The following CHST11 variants were observed in gnomAD, a reference collection of about 807,000 sequenced individuals.
CHST11 encodes the protein C4S-1.
Under a neutral mutation model 30.4 loss-of-function variants are expected in CHST11, and 9 were observed. The ratio of observed to expected loss-of-function variants is 0.30; its 90% CI spans 0.18 to 0.52. The LOEUF (loss-of-function observed/expected upper bound fraction) is 0.52, where lower values mean the gene tolerates loss of function less well. Among genes scored for constraint, CHST11 ranks in the 20% least tolerant of loss-of-function variants. CHST11 has a pLI of 0.97. For synonymous variants in CHST11, 152 were observed against 187.8 expected (o/e 0.81, Z 1.56); for missense variants, 348 against 460.6 (o/e 0.76, Z 2.24).
In CHST11 at chr12:104,482,514, A is replaced by G. The variant is rs535354576; in HGVS notation, c.118+24985A>G. ...GCCTCCCTTCCCTTTCCCCACCCTC[A>G]GTGTCATTTTGGCTTTTCCCACAGA... is the stretch of plus-strand genomic sequence containing the variant. On this transcript the variant is annotated intron_variant, in intron 1 of 2. Coordinates refer to ENST00000303694, the MANE Select transcript of CHST11 (RefSeq NM_018413.6). 1.1e-4 allele frequency among the ~76,000 whole-genome samples: 17 copies of G among 152,062 alleles called. No individual in the cohort carries two copies. In the East Asian group the frequency reaches 3.3e-3, roughly 29 times the overall value.
chr12:104,718,544 A>C (rs1183132075), intron 2 of CHST11, among the ~76,000 whole-genome samples: 1 of 152,198 alleles, frequency 6.6e-6, no homozygotes, highest in Non-Finnish European at 1.5e-5. Flanking sequence ...GTTACTAATG[A>C]AGAATGAATT....
intron 2 of CHST11, among the ~76,000 whole-genome samples, chr12:104,616,305 A>G (rs1030807033): frequency 6.6e-6 from 1 of 152,194 alleles, no homozygotes; most frequent in African/African-American, 2.4e-5. Context: ...CCACCCAATC[A>G]GTATTTTCTA....
intron 1 of CHST11, among the ~76,000 whole-genome samples, chr12:104,548,122 A>G (rs1188371191): frequency 6.6e-6 from 1 of 152,192 alleles, no homozygotes; most frequent in East Asian, 1.9e-4. Flanking sequence ...CCAGACTGTA[A>G]ACTCATTGAG....
At chr12:104,750,428 CTT>C (rs10659007) in intron 2 of CHST11, among the ~76,000 whole-genome samples, 78 of 48,784 alleles carry the variant, frequency 1.6e-3, no homozygotes, top group African/African-American at 5.2e-3. Flanking sequence ...TATTTCTGCA[CTT>C]TTTTTTTTTT....
At chr12:104,596,945 C>T (rs1316254822) in intron 1 of CHST11, among the ~76,000 whole-genome samples, 3 of 152,132 alleles carry the variant, frequency 2.0e-5, no homozygotes, top group Non-Finnish European at 2.9e-5. Flanking sequence ...TTAGGACATG[C>T]GTGAGAGGCA....
chr12:104,639,037 C>G (rs989618987), intron 2 of CHST11, among the ~76,000 whole-genome samples: 5 of 152,204 alleles, frequency 3.3e-5, no homozygotes, highest in African/African-American at 1.2e-4. Flanking sequence ...TCTTGCTAGT[C>G]TGTGGCTTGG....
At chr12:104,746,140 A>T (rs1207397329) in intron 2 of CHST11, among the ~76,000 whole-genome samples, 1 of 152,158 alleles carries the variant, frequency 6.6e-6, no homozygotes, top group South Asian at 2.1e-4. Context: ...TTCCCTAATG[A>T]CGGTATCAGT....
At chr12:104,541,122 TCTCTCTCTCACACA>T (rs900207772) in intron 1 of CHST11, among the ~76,000 whole-genome samples, 1 of 63,086 alleles carries the variant, frequency 1.6e-5, no homozygotes, top group African/African-American at 5.8e-5. Context: ...TCCCTCTCTC[TCTCTCTCTCACACA>T]CACACACACA....
At chr12:104,550,043 G>A (rs1405377324) in intron 1 of CHST11, among the ~76,000 whole-genome samples, 8 of 152,186 alleles carry the variant, frequency 5.3e-5, no homozygotes, top group Admixed American at 1.3e-4. Flanking sequence ...AAATTGCACC[G>A]GGAGTCAGAA....
intron 1 of CHST11, among the ~76,000 whole-genome samples, chr12:104,596,851 G>A (rs1426247667): frequency 2.0e-5 from 3 of 152,180 alleles, no homozygotes; most frequent in African/African-American, 7.2e-5. Flanking sequence ...GTTCAGGCAA[G>A]CATGTAAGGT....
At chr12:104,687,872 C>A (rs893725825) in intron 2 of CHST11, among the ~76,000 whole-genome samples, 1 of 151,990 alleles carries the variant, frequency 6.6e-6, no homozygotes, top group African/African-American at 2.4e-5. Flanking sequence ...TTTTCTGGTA[C>A]AAGGGAAGCT....
chr12:104,720,537 T>C (rs919948641), intron 2 of CHST11, among the ~76,000 whole-genome samples: 1 of 151,950 alleles, frequency 6.6e-6, no homozygotes, highest in Non-Finnish European at 1.5e-5. Context: ...TCCCGGGGTC[T>C]CCCCAGGACC....
intron 2 of CHST11, among the ~76,000 whole-genome samples, chr12:104,699,646 C>T (rs1053626169): frequency 2.0e-5 from 3 of 152,150 alleles, no homozygotes; most frequent in Admixed American, 6.5e-5. Flanking sequence ...ATGAGGTTGA[C>T]GCATAACACG....
At chr12:104,467,477 A>G (rs1673270961) in intron 1 of CHST11, among the ~76,000 whole-genome samples, 1 of 152,200 alleles carries the variant, frequency 6.6e-6, no homozygotes, top group South Asian at 2.1e-4. Flanking sequence ...GGGTAAAAGT[A>G]CAGTGTTAAC....
chr12:104,478,071 C>T (rs973178462), intron 1 of CHST11, among the ~76,000 whole-genome samples: 1 of 152,058 alleles, frequency 6.6e-6, no homozygotes, highest in Non-Finnish European at 1.5e-5. Context: ...TGGGAAGCAA[C>T]CCCCCTAACA....
intron 1 of CHST11, among the ~76,000 whole-genome samples, chr12:104,567,545 T>G (rs1409906216): frequency 6.6e-6 from 1 of 152,162 alleles, no homozygotes; most frequent in African/African-American, 2.4e-5. Flanking sequence ...CTGCCCAAAG[T>G]ACCTCTAGTT....
intron 1 of CHST11, among the ~76,000 whole-genome samples, chr12:104,581,743 A>C (rs313326): frequency 0.53 from 80,837 of 151,998 alleles, 23,238 homozygotes; most frequent in East Asian, 0.83. Flanking sequence ...TGGCTCGGGC[A>C]CAGGTGGTCT....
In CHST11 at chr12:104,633,412, CT is replaced by C. The variant is rs34686417; in HGVS notation, c.204+31441del. On this transcript the variant is annotated intron_variant, in intron 2 of 2. Transcript: ENST00000303694. ...ACTGCATGTGCTCCTCTCCCTCTGT[CT>C]TTTTTTTTTTTTTTTTTTTGAGATG... is the stretch of plus-strand genomic sequence containing the variant. 1.2e-3 allele frequency among the ~76,000 whole-genome samples: 129 copies of C among 111,882 alleles called. No homozygotes were observed. In the Middle Eastern group the frequency reaches 0.015, roughly 13 times the overall value. 73.4% of individuals were successfully genotyped at this position (111,882 alleles called of 152,430 possible).
intron 1 of CHST11, among the ~76,000 whole-genome samples, chr12:104,576,350 G>A (rs1050917660): frequency 6.6e-6 from 1 of 152,150 alleles, no homozygotes; most frequent in Non-Finnish European, 1.5e-5. Context: ...AGCCAGGGCA[G>A]GTATTAGCAG....
Sources: allele counts gnomAD v4.1 joint callset (sites outside exome capture counted in the v4.1 genomes callset), GRCh38; gene constraint gnomAD v4.1.1; transcripts MANE v1.5; gene names NCBI Gene and HGNC (gene_info 2026-07-23, HGNC 2026-07-21).